Variants in DCHS1 observed in about 807,000 individuals in gnomAD.
DCHS1 encodes the protein dachsous cadherin-related 1.
A neutral mutation model predicts 213.9 loss-of-function variants in DCHS1; 78 were observed. That is an observed-to-expected ratio of 0.36 (90% CI 0.30 to 0.44). DCHS1 has a LOEUF of 0.44. Among genes scored for constraint, DCHS1 ranks in the 20% least tolerant of loss-of-function variants. The pLI is 1.00. For missense variants in DCHS1, 3,946 were observed against 4,395.9 expected, an observed-to-expected ratio of 0.90 and a Z score of 2.89; for synonymous variants, 1,828 against 1,873.7, an observed-to-expected ratio of 0.98 and a Z score of 0.63.
Position 6,621,735 on chromosome 11 carries a change from G to A in DCHS1, c.*44C>T, listed in dbSNP as rs1295752522. On this transcript the variant is annotated 3_prime_UTR_variant, in exon 21 of 21. Transcript: ENST00000299441. ...AGGCTCAGAGTGGGGCCTGCGTTGG[G>A]GACACTGTGCGCATCCCAGGTCGGG... 1.3e-6 allele frequency: 2 copies of A among 1,544,064 alleles called. No homozygotes were observed.
At position 6,623,729 on chromosome 11, in the gene DCHS1, G is replaced by A. The variant is rs992159347; in HGVS notation, c.7947C>T (p.Leu2649=). ...TGCCTGAGCTCTCATCCAGCTCAAA[G>A]AGCCCTGATGGGTCGCCTGAGCTGA... ...FTVSSGDPSG[L]FELDESSGTL... is the part of the protein sequence containing the mutation. The change falls in exon 21 of 21, where the codon CTC becomes CTT. Residue 2649 remains leucine, a synonymous_variant. Transcript: ENST00000299441. The A allele has an allele frequency of 6.2e-7, 1 of 1,613,930 alleles. No homozygotes were observed. Among genetic ancestry groups the A allele is most frequent in the Non-Finnish European group, 8.5e-7 (1 of 1,179,908 alleles).
rs1855725929 is a variant in DCHS1, at chr11:6,622,984, G to T, written c.8692C>A (p.Leu2898Met). ...CCCCGTGCTATCACCTCCAGCCTCA[G>T]CTCCCGTGGTGCTTCCCGCCGGGTC... ...GRTRREAPRE[L>M]RLEVIARGPL... Residue 2898 changes from leucine to methionine, a missense_variant, in exon 21 of 21, where the codon CTG becomes ATG. Leu to Met is a conservative substitution (Grantham distance 15). Around this residue, in one of 3 missense-constraint regions of DCHS1, gnomAD observed 554 missense variants for 590.2 expected, o/e 0.94. Transcript: ENST00000299441. The surrounding 1 kb of genome is among the most constrained non-coding windows in gnomAD (Gnocchi z 5.4). 2 of 1,571,780 alleles carry T rather than the reference G, an allele frequency of 1.3e-6. No individual in the cohort carries two copies. The highest frequency in any genetic ancestry group is 1.7e-6 in the Non-Finnish European group (2 of 1,159,202).
At chr11:6,648,685 A>G (rs1856202175) in intron 1 of DCHS1, among the ~76,000 whole-genome samples, 1 of 152,188 alleles carries the variant, frequency 6.6e-6, no homozygotes, top group Non-Finnish European at 1.5e-5. Context: ...AGCCAGCTGG[A>G]TTTGGTTCCC....
intron 12 of DCHS1, 139 bp downstream of exon 12, chr11:6,629,313 A>T: frequency 8.0e-7 from 1 of 1,253,198 alleles, no homozygotes; most frequent in Non-Finnish European, 1.1e-6. Flanking sequence ...TCGACTCCCC[A>T]AAAGGGTCCA....
In DCHS1 at chr11:6,625,034, G is replaced by A. The variant is rs1376901949; in HGVS notation, c.7146+164C>T. Among the ~76,000 whole-genome samples, 1 of 152,156 alleles carries A rather than the reference G, an allele frequency of 6.6e-6. No individual in the cohort carries two copies. Among genetic ancestry groups the A allele is most frequent in the African/African-American group, 2.4e-5 (1 of 41,420 alleles). On this transcript the variant is annotated intron_variant, in intron 19 of 20. Coordinates refer to ENST00000299441, the MANE Select transcript of DCHS1 (RefSeq NM_003737.4). This position sits in a 1 kb window ranked among gnomAD's most constrained non-coding sequence, Gnocchi z 5.3. The stretch of plus-strand genomic sequence containing the variant: ...GAAATGCCCACCTTCTCCCCTTTCT[G>A]GGTACAGGATGCAAAACCAGGATGT...
Position 6,628,643 on chromosome 11 carries a change from C to T in DCHS1, c.5349G>A (p.Gly1783=), listed in dbSNP as rs544476119. 1 of 1,614,014 alleles carries T rather than the reference C, an allele frequency of 6.2e-7. No individual in the cohort carries two copies. The highest frequency in any genetic ancestry group is 8.5e-7 in the Non-Finnish European group (1 of 1,179,898). ...CACCTAGGATGCGGTACTGCAACTG[C>T]CCATTGGCTCCCACATCTGGATCAG... ...RASDPDVGAN[G]QLQYRILDGD... is the part of the protein sequence containing the mutation. The change falls in exon 13 of 21, where the codon GGG becomes GGA. Residue 1783 remains glycine, a synonymous_variant. Transcript: ENST00000299441. The surrounding 1 kb of genome is among the most constrained non-coding windows in gnomAD (Gnocchi z 4.3).
Position 6,641,974 on chromosome 11 carries a change from C to T in DCHS1, c.-120-241G>A, listed in dbSNP as rs1244835445. Among the ~76,000 whole-genome samples the T allele has an allele frequency of 2.6e-5, 4 of 152,132 alleles. No homozygotes were observed. The highest frequency in any genetic ancestry group is 6.5e-5 in the Admixed American group (1 of 15,282). On this transcript the variant is annotated intron_variant, in intron 1 of 20. Coordinates refer to ENST00000299441, the MANE Select transcript of DCHS1 (RefSeq NM_003737.4). This position sits in a 1 kb window ranked among gnomAD's most constrained non-coding sequence, Gnocchi z 7.1. ...CAGATTTTTATGCATCCTATTTTTT[C>T]GGGTCTGAATGCCCACAAACTCCCT...
Position 6,640,140 on chromosome 11 carries a change from C to T in DCHS1, c.1474G>A (p.Val492Ile). 6.2e-7 allele frequency: 1 copy of T among 1,613,796 alleles called. No homozygotes were observed. The highest frequency in any genetic ancestry group is 8.5e-7 in the Non-Finnish European group (1 of 1,179,800). Residue 492 changes from valine (V) to isoleucine (I), a missense_variant, in exon 2 of 21, where the codon GTA becomes ATA. Coordinates refer to ENST00000299441, the MANE Select transcript of DCHS1 (RefSeq NM_003737.4). The surrounding 1 kb of genome is among the most constrained non-coding windows in gnomAD (Gnocchi z 6.5). Reference protein sequence around the residue: ...LPEVALPGSFVVRVTARDPDQ... With the variant: ...LPEVALPGSFIVRVTARDPDQ... ...GGATCCCGAGCAGTCACCCGCACTA[C>T]AAAGCTGCCAGGCAGCGCAACCTCA... is the stretch of plus-strand genomic sequence containing the variant.
rs1373035854 is a variant in DCHS1, at chr11:6,633,419, G to C, written c.2448C>G (p.Asn816Lys). ...GTSVGIVQAH[N>K]PPGRLAPVTL... ...TATAAAGCTAAATGATACCTGGTGG[G>C]TTGTGTGCCTGGACTATGCCCACAC... Residue 816 changes from asparagine (N) to lysine (K), a missense_variant, in exon 5 of 21, where the codon AAC becomes AAG. By Grantham distance (94) the Asn-to-Lys change is moderately conservative (BLOSUM62 0). Coordinates refer to ENST00000299441, the MANE Select transcript of DCHS1 (RefSeq NM_003737.4). 2 of 1,555,364 alleles carry C rather than the reference G, an allele frequency of 1.3e-6. No individual in the cohort carries two copies. Among genetic ancestry groups the C allele is most frequent in the Admixed American group, 3.9e-5 (2 of 51,498 alleles).
Position 6,632,442 on chromosome 11 carries a change from C to T in DCHS1, c.3070G>A (p.Ala1024Thr). ...ATAGGGCCCCCATCTGGTGCTTGGG[C>T]CTGCACTTGCAGGACCTGAGTTCCA... is the stretch of plus-strand genomic sequence containing the variant. ...TAGTQVLQVQ[A>T]QAPDGGPITY... The change falls in exon 6 of 21, where the codon GCC becomes ACC. Residue 1024 changes from alanine to threonine, a missense_variant. Physicochemically the swap from Ala to Thr is moderately conservative, Grantham distance 58 (BLOSUM62 0). Transcript: ENST00000299441. The surrounding 1 kb of genome is among the most constrained non-coding windows in gnomAD (Gnocchi z 5.9). 1 of 1,603,950 alleles carries T rather than the reference C, an allele frequency of 6.2e-7. No individual in the cohort carries two copies. Among genetic ancestry groups the T allele is most frequent in the Non-Finnish European group, 8.5e-7 (1 of 1,173,426 alleles).
Position 6,621,685 on chromosome 11 carries a change from G to T in DCHS1, c.*94C>A. 1 of 1,448,344 alleles carries T rather than the reference G, an allele frequency of 6.9e-7. No homozygotes were observed. Among genetic ancestry groups the T allele is most frequent in the Non-Finnish European group, 9.4e-7 (1 of 1,066,984 alleles). The allele number at this position is 1,448,344 out of a possible 1,614,324, so 89.7% of individuals were successfully genotyped here. The stretch of plus-strand genomic sequence containing the variant: ...CCTGGTGGTGGCCTCCCCGTAGCCA[G>T]TCATAGTCCGAGGCTGCCCAGGGCA... On this transcript the variant is annotated 3_prime_UTR_variant, in exon 21 of 21. Transcript: ENST00000299441.
chr11:6,637,512 C>CA (rs1856002434), intron 2 of DCHS1, among the ~76,000 whole-genome samples: 1 of 152,080 alleles, frequency 6.6e-6, no homozygotes, highest in Non-Finnish European at 1.5e-5. Context: ...AGCCTCCCTG[C>CA]AGTCTCATCT....
chr11:6,654,126 G>A (rs866627550), intron 1 of DCHS1, among the ~76,000 whole-genome samples: 2 of 152,122 alleles, frequency 1.3e-5, no homozygotes, highest in Non-Finnish European at 2.9e-5. Context: ...GGAGATCTAC[G>A]TATGAGAAGG....
At position 6,625,164 on chromosome 11, in the gene DCHS1, GC is replaced by G; in HGVS notation, c.7146+33del. ...CTTCCCTCCAACAGGAACAACCCAG[GC>G]CCAGGTGTAGGTGGATCCATGGGTG... On this transcript the variant is annotated intron_variant, in intron 19 of 20. Coordinates refer to ENST00000299441, the MANE Select transcript of DCHS1 (RefSeq NM_003737.4). The surrounding 1 kb of genome is among the most constrained non-coding windows in gnomAD (Gnocchi z 5.3). 1 of 1,544,306 alleles carries G rather than the reference GC, an allele frequency of 6.5e-7. No individual in the cohort carries two copies.
chr11:6,654,141 A>C (rs1354745040), intron 1 of DCHS1, among the ~76,000 whole-genome samples: 1 of 152,076 alleles, frequency 6.6e-6, no homozygotes, highest in Admixed American at 6.6e-5. Context: ...AGAAGGGGTG[A>C]AGGTGTGAGC....
chr11:6,647,425 C>G (rs1856179072), intron 1 of DCHS1, among the ~76,000 whole-genome samples: 1 of 152,146 alleles, frequency 6.6e-6, no homozygotes, highest in African/African-American at 2.4e-5. Flanking sequence ...TGGGACAGCC[C>G]CATAGGACAG....
At chr11:6,636,083 G>A (rs1360655838) in intron 2 of DCHS1, among the ~76,000 whole-genome samples, 1 of 152,248 alleles carries the variant, frequency 6.6e-6, no homozygotes, top group East Asian at 1.9e-4. Flanking sequence ...CTATTTCAAG[G>A]AGAAAAGAAA....
rs1336906560 is a variant in DCHS1 at position 6,625,910 on chromosome 11, C to T, written c.6731+10G>A. ...AGATGGGGTCTTGGGTCCACAGGGC[C>T]AGGCCTCACCGTGTTTCAGCCCAGA... is the stretch of plus-strand genomic sequence containing the variant. On this transcript the variant is annotated intron_variant, in intron 17 of 20. Transcript: ENST00000299441. This position sits in a 1 kb window ranked among gnomAD's most constrained non-coding sequence, Gnocchi z 5.3. 6 of 1,611,848 alleles carry T rather than the reference C, an allele frequency of 3.7e-6. No homozygotes were observed. Among genetic ancestry groups the T allele is most frequent in the Non-Finnish European group, 5.1e-6 (6 of 1,179,084 alleles).
rs118090974 is a variant in DCHS1, at chr11:6,643,182, C to T, written c.-120-1449G>A. On this transcript the variant is annotated intron_variant, in intron 1 of 20. Coordinates refer to ENST00000299441, the MANE Select transcript of DCHS1 (RefSeq NM_003737.4). ...GCTTAAGATCAGGAAGGAAATGCCC[C>T]GGAGCCCCTTACTCTAGTGACTAAG... Among the ~76,000 whole-genome samples, 75 of 152,178 alleles carry T rather than the reference C, an allele frequency of 4.9e-4. No individual in the cohort carries two copies. In the East Asian group the frequency reaches 0.013, roughly 27 times the overall value.
Sources: allele counts gnomAD v4.1 joint callset (sites outside exome capture counted in the v4.1 genomes callset), GRCh38; gene constraint gnomAD v4.1.1; regional missense constraint gnomAD v4.1.1; non-coding constraint Gnocchi (gnomAD v3.1); transcripts MANE v1.5; gene names NCBI Gene and HGNC (gene_info 2026-07-23, HGNC 2026-07-21).